Variants in VEGFA observed in about 807,000 individuals in gnomAD.
VEGFA encodes the protein vascular endothelial growth factor A, long form.
Under a neutral mutation model 49.7 loss-of-function variants are expected in VEGFA, and 20 were observed. That is an observed-to-expected ratio of 0.40 (90% CI 0.28 to 0.58). VEGFA has a LOEUF of 0.58. Among genes scored for constraint, VEGFA ranks in the 20% least tolerant of loss-of-function variants. VEGFA has a pLI of 0.40. For missense variants in VEGFA, 505 were observed against 553.5 expected (o/e 0.91, Z 0.88); for synonymous variants, 219 against 223.4 (o/e 0.98, Z 0.18).
chr6:43,781,063 C>A, intron 6 of VEGFA: 1 of 797,466 alleles, frequency 1.3e-6, no homozygotes, highest in Non-Finnish European at 2.0e-6. Context: ...GGGACCCTGG[C>A]TTGGCTGGGC....
At position 43,784,751 on chromosome 6, in the gene VEGFA, C is replaced by T. The variant is rs965161532; in HGVS notation, c.*189C>T. The T allele has an allele frequency of 2.2e-5, 24 of 1,104,640 alleles. No homozygotes were observed. Among genetic ancestry groups the T allele is most frequent in the East Asian group, 1.8e-4 (7 of 39,198 alleles). The allele number at this position is 1,104,640 out of a possible 1,614,324, so 68.4% of individuals were successfully genotyped here. A position where few individuals can be genotyped will look rare whatever the true frequency, so the allele number is the denominator to read the frequency against. On this transcript the variant is annotated 3_prime_UTR_variant, in exon 8 of 8. Transcript: ENST00000672860. ...GACTCTGCGCAGAGCACTTTGGGTC[C>T]GGAGGGCGAGACTCCGGCGGAAGCA...
In VEGFA at chr6:43,775,327, C is replaced by G. The variant is rs1582485465; in HGVS notation, c.658+935C>G. On this transcript the variant is annotated intron_variant, in intron 2 of 7. Coordinates refer to ENST00000672860, the MANE Select transcript of VEGFA (RefSeq NM_003376.6). ...GGTCTGGGAGAGGCAGGACAAAGGT[C>G]TTTGTTTGCTGGAGAAAAGGTTGTC... The G allele has an allele frequency of 1.3e-5, 2 of 152,206 alleles. 1 individual carries two copies. The highest frequency in any genetic ancestry group is 4.1e-4 in the South Asian group (2 of 4,828). The allele number at this position is 152,206 out of a possible 1,614,324, so 9.4% of individuals were successfully genotyped here. A position where few individuals can be genotyped will look rare whatever the true frequency, so the allele number is the denominator to read the frequency against.
chr6:43,777,559 A>C lies in VEGFA; in HGVS notation c.749A>C (p.Glu250Ala). The change falls in exon 3 of 8, where the codon GAG (glutamate) becomes GCG (alanine). Residue 250 changes from glutamate (E) to alanine (A), a missense_variant. Physicochemically the swap from Glu to Ala is moderately radical, Grantham distance 107 (BLOSUM62 -1). Coordinates refer to ENST00000672860, the MANE Select transcript of VEGFA (RefSeq NM_003376.6). The surrounding 1 kb of genome is among the most constrained non-coding windows in gnomAD (Gnocchi z 4.3). The stretch of plus-strand genomic sequence containing the variant: ...TTCCAGGAGTACCCTGATGAGATCG[A>C]GTACATCTTCAAGCCATCCTGTGTG... The C allele has an allele frequency of 6.2e-7, 1 of 1,614,134 alleles. No homozygotes were observed. The highest frequency in any genetic ancestry group is 2.2e-5 in the East Asian group (1 of 44,880).
At chr6:43,780,946 C>T (rs2128046452) in intron 6 of VEGFA, 143 bp downstream of exon 6, 3 of 1,596,760 alleles carry the variant, frequency 1.9e-6, no homozygotes, top group East Asian at 4.5e-5. Flanking sequence ...CTCTCTCTCA[C>T]TCTCTCACTC....
chr6:43,780,554 C>T (rs953408096), intron 5 of VEGFA, 178 bp from the exon 6 acceptor site: 26 of 797,664 alleles, frequency 3.3e-5, no homozygotes, highest in Middle Eastern at 3.6e-4. Flanking sequence ...TGCCCAGACA[C>T]GCCTGTGTGC....
chr6:43,770,860 C>T lies in VEGFA; in HGVS notation c.154C>T (p.Leu52=), dbSNP rs1470638041. ...GGGGGTCGGGGCTCGCGGCGTCGCA[C>T]TGAAACTTTTCGTCCAACTTCTGGG... Residue 52 remains leucine, a synonymous_variant, in exon 1 of 8, where the codon CTG becomes TTG. Transcript: ENST00000672860. 7.8e-6 allele frequency: 12 copies of T among 1,538,260 alleles called. No individual in the cohort carries two copies. The East Asian group carries it at 1.5e-4, about 19-fold the overall frequency.
chr6:43,781,051 AG>A, intron 6 of VEGFA: 2 of 920,000 alleles, frequency 2.2e-6, no homozygotes, highest in Non-Finnish European at 3.3e-6. Flanking sequence ...GGATTAAGGG[AG>A]GGGACCCTGG....
At chr6:43,774,751 T>A (rs1409022480) in intron 2 of VEGFA, 1 of 428,616 alleles carries the variant, frequency 2.3e-6, no homozygotes, top group Admixed American at 3.5e-5. Flanking sequence ...ACATTTAGTG[T>A]CATTTCCTAT....
rs1390497985 is a variant in VEGFA, at chr6:43,770,491, C to G, written c.-216C>G. On this transcript the variant is annotated 5_prime_UTR_variant, in exon 1 of 8. Transcript: ENST00000672860. ...GCTTGGGGAGATTGCTCTACTTCCC[C>G]AAATCACTGTGGATTTTGGAAACCA... is the stretch of plus-strand genomic sequence containing the variant. 9.0e-7 allele frequency: 1 copy of G among 1,116,884 alleles called. No individual in the cohort carries two copies. The highest frequency in any genetic ancestry group is 1.2e-6 in the Non-Finnish European group (1 of 867,320). 69.2% of individuals were successfully genotyped at this position (1,116,884 alleles called of 1,614,324 possible). A position where few individuals can be genotyped will look rare whatever the true frequency, so the allele number is the denominator to read the frequency against.
At chr6:43,780,654 T>A in intron 5 of VEGFA, 78 bp from the exon 6 acceptor site, 698 of 1,439,498 alleles carry the variant, frequency 4.8e-4, no homozygotes, top group Non-Finnish European at 6.0e-4. Flanking sequence ...CGTTCCCCCA[T>A]CCCTGCCCAC....
chr6:43,774,750 G>A (rs186257660), intron 2 of VEGFA: 1 of 431,192 alleles, frequency 2.3e-6, no homozygotes, highest in Admixed American at 3.5e-5. Flanking sequence ...GACATTTAGT[G>A]TCATTTCCTA....
At chr6:43,779,921 T>C (rs1766847976) in intron 5 of VEGFA, 3 of 333,722 alleles carry the variant, frequency 9.0e-6, no homozygotes, top group South Asian at 7.0e-5. Flanking sequence ...AAATGACTGC[T>C]CTGCCATGGG....
Position 43,777,336 on chromosome 6 carries a change from C to T in VEGFA, c.659-133C>T. On this transcript the variant is annotated intron_variant, in intron 2 of 7. Transcript: ENST00000672860. The surrounding 1 kb of genome is among the most constrained non-coding windows in gnomAD (Gnocchi z 4.3). ...AGTGCTTCAAACACAGTAGGAGGGA[C>T]TTACGTTAGATTTTGGAAGGACTTG... 1.1e-6 allele frequency: 1 copy of T among 949,258 alleles called. No individual in the cohort carries two copies. The highest frequency in any genetic ancestry group is 1.6e-6 in the Non-Finnish European group (1 of 608,430). 58.8% of individuals were successfully genotyped at this position (949,258 alleles called of 1,614,324 possible).
At position 43,771,265 on chromosome 6, in the gene VEGFA, T is replaced by C. The variant is rs757103787; in HGVS notation, c.559T>C (p.Trp187Arg). Residue 187 changes from tryptophan (W) to arginine (R), a missense_variant, in exon 1 of 8, where the codon TGG (tryptophan) becomes CGG (arginine). Physicochemically the swap from Trp to Arg is moderately radical, Grantham distance 101 (BLOSUM62 -3). Coordinates refer to ENST00000672860, the MANE Select transcript of VEGFA (RefSeq NM_003376.6). ...CGAAACCATGAACTTTCTGCTGTCT[T>C]GGGTGCATTGGAGCCTTGCCTTGCT... The C allele has an allele frequency of 1.9e-6, 3 of 1,607,610 alleles. No individual in the cohort carries two copies. The South Asian group carries it at 3.3e-5, about 18-fold the overall frequency.
intron 5 of VEGFA, chr6:43,779,746 C>G (rs57474222): frequency 0.014 from 6,277 of 461,314 alleles, 302 homozygotes; most frequent in African/African-American, 0.11. Context: ...CCCTTTGGTG[C>G]TTTCTCCTAA....
chr6:43,784,279 A>G (rs755001599), intron 7 of VEGFA: 35 of 592,812 alleles, frequency 5.9e-5, no homozygotes, highest in Non-Finnish European at 9.3e-5. Context: ...TCTTGTCTCA[A>G]GTAGATTGCA....
In VEGFA at chr6:43,770,981, C is replaced by A; in HGVS notation, c.275C>A (p.Pro92Gln). ...AGCTCGGGCCGGGAGGAGCCGCAGCCGGAGGAGGGGGAGGAGGAAGAAGAG... is the reference window on the plus strand; with the variant it reads ...AGCTCGGGCCGGGAGGAGCCGCAGCAGGAGGAGGGGGAGGAGGAAGAAGAG... Residue 92 changes from proline to glutamine, a missense_variant, in exon 1 of 8, where the codon CCG (proline) becomes CAG (glutamine). Coordinates refer to ENST00000672860, the MANE Select transcript of VEGFA (RefSeq NM_003376.6). 1.3e-6 allele frequency: 2 copies of A among 1,542,638 alleles called. No individual in the cohort carries two copies. Among genetic ancestry groups the A allele is most frequent in the South Asian group, 1.2e-5 (1 of 83,022 alleles).
At position 43,771,189 on chromosome 6, in the gene VEGFA, C is replaced by T. The variant is rs759754009; in HGVS notation, c.483C>T (p.His161=). 2 of 1,594,680 alleles carry T rather than the reference C, an allele frequency of 1.3e-6. No individual in the cohort carries two copies. Among genetic ancestry groups the T allele is most frequent in the African/African-American group, 2.7e-5 (2 of 72,792 alleles). Residue 161 remains histidine, a synonymous_variant, in exon 1 of 8, where the codon CAC becomes CAT. Coordinates refer to ENST00000672860, the MANE Select transcript of VEGFA (RefSeq NM_003376.6). The stretch of plus-strand genomic sequence containing the variant: ...GCGCCGAGGAGAGCGGGCCGCCCCA[C>T]AGCCCGAGCCGGAGAGGGAGCGCGA...
In VEGFA at chr6:43,771,135, G is replaced by T; in HGVS notation, c.429G>T (p.Ser143=). 1 of 1,504,700 alleles carries T rather than the reference G, an allele frequency of 6.6e-7. No homozygotes were observed. The highest frequency in any genetic ancestry group is 1.3e-5 in the South Asian group (1 of 78,484). 93.2% of individuals were successfully genotyped at this position (1,504,700 alleles called of 1,614,324 possible). Residue 143 remains serine (S), a synonymous_variant, in exon 1 of 8, where the codon TCG becomes TCT. Coordinates refer to ENST00000672860, the MANE Select transcript of VEGFA (RefSeq NM_003376.6). ...CTCCCCAGGCCCTGGCCCGGGCCTC[G>T]GGCCGGGGAGGAAGAGTAGCTCGCC...
Sources: allele counts gnomAD v4.1 joint callset, GRCh38; gene constraint gnomAD v4.1.1; non-coding constraint Gnocchi (gnomAD v3.1); transcripts MANE v1.5; gene names NCBI Gene and HGNC (gene_info 2026-07-23, HGNC 2026-07-21).